Variants in EPHA6 observed in about 807,000 individuals in gnomAD.
EPHA6 encodes ephrin type-A receptor 6.
Under a neutral mutation model 112.0 loss-of-function variants are expected in EPHA6, and 50 were observed. That is an observed-to-expected ratio of 0.45 (90% CI 0.36 to 0.56). EPHA6 has a LOEUF of 0.56. Ranked by LOEUF, EPHA6 falls within the 20% of genes least tolerant of loss-of-function variation. The pLI is 0.00. For missense variants in EPHA6, 1,280 were observed against 1,417.4 expected, an observed-to-expected ratio of 0.90 and a Z score of 1.56; for synonymous variants, 529 against 490.7, an observed-to-expected ratio of 1.08 and a Z score of -1.03.
intron 3 of EPHA6, among the ~76,000 whole-genome samples, chr3:97,166,011 T>C (rs543528125): frequency 2.0e-5 from 3 of 152,300 alleles, no homozygotes; most frequent in Non-Finnish European, 4.4e-5. Context: ...TGATAAATTA[T>C]TTCATATTTT....
chr3:96,877,434 TTCA>T (rs1282697202), intron 2 of EPHA6, among the ~76,000 whole-genome samples: 1 of 152,036 alleles, frequency 6.6e-6, no homozygotes, highest in African/African-American at 2.4e-5. Context: ...ATAATATACT[TTCA>T]AAGAATTAAT....
intron 3 of EPHA6, among the ~76,000 whole-genome samples, chr3:97,080,641 A>G (rs1371887202): frequency 6.6e-6 from 1 of 152,090 alleles, no homozygotes; most frequent in Non-Finnish European, 1.5e-5. Context: ...TTACAGTGAG[A>G]AATGAATATT....
chr3:97,385,227 A>C (rs2085989801), intron 5 of EPHA6, among the ~76,000 whole-genome samples: 1 of 152,170 alleles, frequency 6.6e-6, no homozygotes, highest in Non-Finnish European at 1.5e-5. Context: ...ATATTTAAGA[A>C]TTATATTCAA....
At chr3:97,633,017 G>A (rs536037270) in intron 13 of EPHA6, among the ~76,000 whole-genome samples, 5 of 152,198 alleles carry the variant, frequency 3.3e-5, no homozygotes, top group South Asian at 4.1e-4. Flanking sequence ...TGAGAGGCTT[G>A]AAGTGTATGT....
intron 3 of EPHA6, among the ~76,000 whole-genome samples, chr3:97,095,665 T>C (rs1457470572): frequency 1.3e-5 from 2 of 151,902 alleles, no homozygotes; most frequent in African/African-American, 4.8e-5. Context: ...TGACTAAGTA[T>C]GTGAGGGAAA....
At chr3:97,428,232 G>A (rs1007446291) in intron 6 of EPHA6, among the ~76,000 whole-genome samples, 3 of 152,042 alleles carry the variant, frequency 2.0e-5, no homozygotes, top group Admixed American at 6.6e-5. Flanking sequence ...TATTATTTAT[G>A]TAGCTTTAAG....
chr3:97,400,155 T>G (rs1007299416), intron 5 of EPHA6, among the ~76,000 whole-genome samples: 2 of 151,748 alleles, frequency 1.3e-5, no homozygotes, highest in African/African-American at 4.8e-5. Flanking sequence ...ATTTTCTGCA[T>G]GTGGACGTAC....
intron 6 of EPHA6, among the ~76,000 whole-genome samples, chr3:97,445,694 G>T (rs988340737): frequency 6.6e-6 from 1 of 151,146 alleles, no homozygotes; most frequent in Non-Finnish European, 1.5e-5. Flanking sequence ...GATATCAAAT[G>T]TAATAGATTA....
At chr3:97,080,434 A>G (rs1436668962) in intron 3 of EPHA6, among the ~76,000 whole-genome samples, 1 of 152,154 alleles carries the variant, frequency 6.6e-6, no homozygotes, top group Non-Finnish European at 1.5e-5. Context: ...AGAACTCTCC[A>G]AAAGTGCTTA....
At chr3:96,903,463 A>G (rs1026438404) in intron 2 of EPHA6, among the ~76,000 whole-genome samples, 4 of 152,162 alleles carry the variant, frequency 2.6e-5, no homozygotes, top group African/African-American at 9.7e-5. Flanking sequence ...GGAATGGGGT[A>G]GTTGATGTTA....
intron 4 of EPHA6, among the ~76,000 whole-genome samples, chr3:97,243,480 G>A (rs1282804679): frequency 6.6e-6 from 1 of 151,750 alleles, no homozygotes; most frequent in Admixed American, 6.6e-5. Flanking sequence ...GATTTTCGGA[G>A]GTGATGAATG....
intron 2 of EPHA6, among the ~76,000 whole-genome samples, chr3:96,915,604 T>G (rs2039443576): frequency 6.6e-6 from 1 of 152,140 alleles, no homozygotes; most frequent in African/African-American, 2.4e-5. Flanking sequence ...GACAGTATCT[T>G]CCATAACATC....
At chr3:96,815,109 A>G in intron 1 of EPHA6, 101 bp downstream of exon 1, 2 of 1,193,134 alleles carry the variant, frequency 1.7e-6, no homozygotes, top group Non-Finnish European at 2.3e-6. Context: ...TACAGGGGTC[A>G]GAGTCTCCTG....
chr3:97,539,556 A>G (rs541281877), intron 11 of EPHA6, among the ~76,000 whole-genome samples: 7 of 152,096 alleles, frequency 4.6e-5, no homozygotes, highest in Non-Finnish European at 5.9e-5. Context: ...TTCATTGTCC[A>G]CCATTCTTCT....
intron 4 of EPHA6, among the ~76,000 whole-genome samples, chr3:97,227,302 C>G (rs891707437): frequency 1.3e-5 from 2 of 151,454 alleles, no homozygotes; most frequent in Non-Finnish European, 2.9e-5. Context: ...CTCACTGCAG[C>G]CTCCACCTCC....
chr3:97,640,290 A>G (rs781301767), intron 14 of EPHA6, among the ~76,000 whole-genome samples: 1 of 152,210 alleles, frequency 6.6e-6, no homozygotes, highest in Non-Finnish European at 1.5e-5. Flanking sequence ...AATGCAAAAA[A>G]GTGAATGGGC....
chr3:97,723,964 T>C (rs573738431), intron 15 of EPHA6, among the ~76,000 whole-genome samples: 7 of 152,336 alleles, frequency 4.6e-5, no homozygotes, highest in Non-Finnish European at 7.3e-5. Flanking sequence ...CTATCTGTCC[T>C]GCATTTCTCA....
chr3:97,760,440 T>G lies in EPHA6; in HGVS notation c.*11739T>G, dbSNP rs2036132437. ...TCTCTCTAGGTTGTATGTAATTCAATATGTTGGAATTTAAAGATGCATTAT... is the reference window on the plus strand; with the variant it reads ...TCTCTCTAGGTTGTATGTAATTCAAGATGTTGGAATTTAAAGATGCATTAT... On this transcript the variant is annotated 3_prime_UTR_variant, in exon 18 of 18. Coordinates refer to ENST00000389672, the MANE Select transcript of EPHA6 (RefSeq NM_001080448.3). The G allele has an allele frequency of 5.8e-6, 1 of 171,846 alleles. No homozygotes were observed. Among genetic ancestry groups the G allele is most frequent in the African/African-American group, 2.4e-5 (1 of 41,874 alleles). 10.6% of individuals were successfully genotyped at this position (171,846 alleles called of 1,614,324 possible). A position where few individuals can be genotyped will look rare whatever the true frequency, so the allele number is the denominator to read the frequency against.
intron 3 of EPHA6, among the ~76,000 whole-genome samples, chr3:97,206,448 T>C (rs2077714376): frequency 6.6e-6 from 1 of 152,004 alleles, no homozygotes. Context: ...ACCATTCACT[T>C]TTTGTTTTAT....
Sources: allele counts gnomAD v4.1 joint callset (sites outside exome capture counted in the v4.1 genomes callset), GRCh38; gene constraint gnomAD v4.1.1; transcripts MANE v1.5; gene names NCBI Gene and HGNC (gene_info 2026-07-23, HGNC 2026-07-21).